AHCY: variants seen among roughly 807,000 people sequenced by gnomAD.
AHCY encodes S-adenosyl-L-homocysteine hydrolase.
A neutral mutation model predicts 45.4 loss-of-function variants in AHCY; 24 were observed. The ratio of observed to expected loss-of-function variants is 0.53; its 90% CI spans 0.38 to 0.74. The LOEUF (loss-of-function observed/expected upper bound fraction) is 0.74, where lower values mean the gene tolerates loss of function less well. AHCY is among the 30% of genes least tolerant of loss of function. AHCY has a pLI of 0.00. For synonymous variants in AHCY, 245 were observed against 235.1 expected (o/e 1.04, Z -0.39); for missense variants, 449 against 594.1 (o/e 0.76, Z 2.54).
At chr20:34,238,160 G>C in the AHCY span, among the ~76,000 whole-genome samples, 64 of 152,160 alleles carry the variant, frequency 4.2e-4, no homozygotes, top group Admixed American at 3.4e-3. Flanking sequence ...AGTTCATTGA[G>C]CTTCTTGGAT....
At chr20:34,306,320 C>T (rs1407072247), upstream of AHCY, among the ~76,000 whole-genome samples, 3 of 151,812 alleles carry the variant, frequency 2.0e-5, no homozygotes, top group Non-Finnish European at 4.4e-5. Flanking sequence ...AATGTTCTAG[C>T]CTATGGATAT....
At chr20:34,267,614 C>T in the AHCY span, among the ~76,000 whole-genome samples, 2 of 152,018 alleles carry the variant, frequency 1.3e-5, no homozygotes, top group South Asian at 4.1e-4. Context: ...TCACAGCAAC[C>T]TCCACCTCCC....
At chr20:34,297,432 G>A (rs2036611002) in intron 1 of AHCY, among the ~76,000 whole-genome samples, 1 of 151,944 alleles carries the variant, frequency 6.6e-6, no homozygotes, top group African/African-American at 2.4e-5. Flanking sequence ...CCAATAGCTG[G>A]GATTACAGGA....
downstream of AHCY, among the ~76,000 whole-genome samples, chr20:34,280,105 A>G (rs930080634): frequency 3.3e-5 from 5 of 152,162 alleles, no homozygotes; most frequent in African/African-American, 1.2e-4. Flanking sequence ...AAAAAACGAA[A>G]GAGTTCCCTC....
intron 9 of AHCY, 51 bp downstream of exon 9, chr20:34,285,389 T>A (rs780188112): frequency 6.2e-7 from 1 of 1,603,646 alleles, no homozygotes; most frequent in Non-Finnish European, 8.5e-7. Flanking sequence ...TGTGTGGGGA[T>A]CCCAGGATTA....
rs1241983988 is a variant in AHCY, at chr20:34,290,829, T to C, written c.668A>G (p.Asp223Gly). The C allele has an allele frequency of 6.2e-7, 1 of 1,613,984 alleles. No individual in the cohort carries two copies. The change falls in exon 6 of 10, where the codon GAT (aspartate) becomes GGT (glycine). Residue 223 changes from aspartate to glycine, a missense_variant. By Grantham distance (94) the Asp-to-Gly change is moderately conservative. Coordinates refer to ENST00000217426, the MANE Select transcript of AHCY (RefSeq NM_000687.4). This position sits in a 1 kb window ranked among gnomAD's most constrained non-coding sequence, Gnocchi z 4.5. The part of the protein sequence containing the change: ...GKVAVVAGYG[D>G]VGKGCAQALR... The stretch of plus-strand genomic sequence containing the variant: ...GGCCTGGGCACAGCCCTTGCCCACA[T>C]CACCATAGCCTGCTACCACCGCTAC...
chr20:34,286,440 C>T (rs1420133979), intron 8 of AHCY: 1 of 152,246 alleles, frequency 6.6e-6, no homozygotes, highest in Non-Finnish European at 1.5e-5. Context: ...GAGGACAGAT[C>T]CCATGTTCTC....
chr20:34,290,383 A>G lies in AHCY; in HGVS notation c.921T>C (p.Asp307=). The change falls in exon 8 of 10, where the codon GAT becomes GAC. Residue 307 remains aspartate (D), a synonymous_variant. Transcript: ENST00000217426. The surrounding 1 kb of genome is among the most constrained non-coding windows in gnomAD (Gnocchi z 4.5). The part of the protein sequence containing the change: ...CNIGHFDVEI[D]VKWLNENAVE... ...CGGCGTTCTCGTTGAGCCACTTGAC[A>G]TCGATCTCCACGTCAAAGTGTCCAA... The G allele has an allele frequency of 6.2e-7, 1 of 1,614,080 alleles. No individual in the cohort carries two copies. Among genetic ancestry groups the G allele is most frequent in the Non-Finnish European group, 8.5e-7 (1 of 1,180,012 alleles).
intron 1 of AHCY, among the ~76,000 whole-genome samples, chr20:34,297,589 C>T (rs902488945): frequency 1.3e-5 from 2 of 152,112 alleles, no homozygotes; most frequent in African/African-American, 4.8e-5. Context: ...AGCCACCACA[C>T]CTGGCCAAGA....
chr20:34,252,850 C>A, the AHCY span, among the ~76,000 whole-genome samples: 2 of 152,158 alleles, frequency 1.3e-5, no homozygotes, highest in African/African-American at 2.4e-5. Flanking sequence ...CCTGGTTAAT[C>A]GAGAATGGAG....
At chr20:34,257,953 G>T in the AHCY span, among the ~76,000 whole-genome samples, 1 of 152,116 alleles carries the variant, frequency 6.6e-6, no homozygotes, top group Non-Finnish European at 1.5e-5. Context: ...AGATCAGCTT[G>T]GCCAACATGG....
At chr20:34,279,754 G>A (rs2035948485), downstream of AHCY, among the ~76,000 whole-genome samples, 1 of 152,172 alleles carries the variant, frequency 6.6e-6, no homozygotes, top group South Asian at 2.1e-4. Flanking sequence ...ATGGGCCATT[G>A]AGTGTGACTT....
rs141935523 is a variant in AHCY, at chr20:34,292,437, G to C, written c.366C>G (p.Asp122Glu). 28 of 1,613,930 alleles carry C rather than the reference G, an allele frequency of 1.7e-5. No homozygotes were observed. In the African/African-American group the frequency reaches 2.7e-4, roughly 15 times the overall value. ...WCIEQTLYFK[D>E]GPLNMILDDG... ...CGTCCAGAATCATGTTGAGGGGCCC[G>C]TCCTTGAAGTACAGGGTCTGCTCAA... The change falls in exon 4 of 10, where the codon GAC becomes GAG. Residue 122 changes from aspartate to glutamate, a missense_variant. Transcript: ENST00000217426.
chr20:34,271,895 C>T, the AHCY span, among the ~76,000 whole-genome samples: 1,757 of 152,178 alleles, frequency 0.012, 128 homozygotes, highest in Admixed American at 0.1. Context: ...GCTACCATTT[C>T]CACGTTTACA....
chr20:34,301,200 T>C (rs1050549313), intron 1 of AHCY, among the ~76,000 whole-genome samples: 3 of 152,138 alleles, frequency 2.0e-5, no homozygotes, highest in South Asian at 2.1e-4. Context: ...CAGGCAGGGC[T>C]AGAGCAGAGG....
At chr20:34,302,843 T>C (rs2036825040) in intron 1 of AHCY, 1 of 985,164 alleles carries the variant, frequency 1.0e-6, no homozygotes, top group Non-Finnish European at 1.2e-6. Flanking sequence ...CAGAGAGGGG[T>C]GGACGCTCGT....
At chr20:34,268,930 G>C in the AHCY span, 1 of 1,548,204 alleles carries the variant, frequency 6.5e-7, no homozygotes. Context: ...CTCCCAGGCA[G>C]AGGTGAGGAC....
intron 1 of AHCY, among the ~76,000 whole-genome samples, chr20:34,298,516 G>A (rs992878335): frequency 6.6e-6 from 1 of 150,558 alleles, no homozygotes; most frequent in Non-Finnish European, 1.5e-5. Context: ...CTGGGAAGAC[G>A]CCCGTTACCA....
chr20:34,302,130 A>G (rs1033793201), intron 1 of AHCY: 1 of 366,558 alleles, frequency 2.7e-6, no homozygotes, highest in Non-Finnish European at 3.8e-6. Flanking sequence ...CCTCCCGAGT[A>G]GCTGGGAATG....
Sources: gnomAD v4.1 joint callset for allele counts (sites outside exome capture counted in the v4.1 genomes callset) on GRCh38, gnomAD v4.1.1 for gene constraint, Gnocchi (gnomAD v3.1) non-coding constraint, MANE v1.5 for transcripts, NCBI Gene and HGNC (gene_info 2026-07-23, HGNC 2026-07-21) for gene names.